The following ACTN1 variants were observed in gnomAD, a reference collection of about 807,000 sequenced individuals.
ACTN1 encodes alpha-actinin-1.
A neutral mutation model predicts 119.6 loss-of-function variants in ACTN1; 30 were observed. The ratio of observed to expected loss-of-function variants is 0.25; its 90% confidence interval spans 0.19 to 0.34. The LOEUF (loss-of-function observed/expected upper bound fraction) is 0.34, where lower values mean the gene tolerates loss of function less well. Ranked by LOEUF, ACTN1 falls within the 10% of genes least tolerant of loss-of-function variation. The pLI, the probability that ACTN1 is intolerant of heterozygous loss-of-function variation, is 1.00. For synonymous variants in ACTN1, 429 were observed against 472.6 expected (o/e 0.91, Z 1.20); for missense variants, 764 against 1,223.4 (o/e 0.62, Z 5.60).
At chr14:68,922,664 C>T (rs538741942) in intron 2 of ACTN1, among the ~76,000 whole-genome samples, 2 of 152,144 alleles carry the variant, frequency 1.3e-5, no homozygotes, top group East Asian at 3.8e-4. Flanking sequence ...GGGTTAAACA[C>T]GGGAGAATGG....
chr14:68,884,655 T>G (rs1357440401), intron 13 of ACTN1, 120 bp downstream of exon 13: 20 of 872,686 alleles, frequency 2.3e-5, no homozygotes, highest in Non-Finnish European at 3.7e-5. Context: ...AGGCCAGGGT[T>G]GGGGGAGGTC....
intron 8 of ACTN1, among the ~76,000 whole-genome samples, chr14:68,899,940 CA>C (rs2033200727): frequency 6.6e-6 from 1 of 152,062 alleles, no homozygotes; most frequent in African/African-American, 2.4e-5. Context: ...TGCGAGGGGC[CA>C]GGGGAGGGGC....
chr14:68,878,752 G>A lies in ACTN1; in HGVS notation c.2362-229C>T. 1 of 1,542,434 alleles carries A rather than the reference G, an allele frequency of 6.5e-7. No individual in the cohort carries two copies. The highest frequency in any genetic ancestry group is 8.7e-7 in the Non-Finnish European group (1 of 1,150,618). ...CAGGGAGATGCAAAAATCCACCCATGGGATGAAGAGCAGCGAGGACGGAAG... is the reference window on the plus strand; with the variant it reads ...CAGGGAGATGCAAAAATCCACCCATAGGATGAAGAGCAGCGAGGACGGAAG... On this transcript the variant is annotated intron_variant, in intron 19 of 21. Transcript: ENST00000394419. This position sits in a 1 kb window ranked among gnomAD's most constrained non-coding sequence, Gnocchi z 4.4.
rs569663400 is a variant in ACTN1, at chr14:68,880,697, G to A, written c.2133+113C>T. On this transcript the variant is annotated intron_variant, in intron 17 of 21. Transcript: ENST00000394419. The surrounding 1 kb of genome is among the most constrained non-coding windows in gnomAD (Gnocchi z 4.6). ...ATTGAAGATGTGAGGCTTCAGGGGT[G>A]AAGTTAATTTATCCTCCAACTATGA... is the stretch of plus-strand genomic sequence containing the variant. The A allele has an allele frequency of 1.8e-6, 2 of 1,118,396 alleles. No homozygotes were observed. The highest frequency in any genetic ancestry group is 2.4e-5 in the East Asian group (1 of 41,966). 69.3% of individuals were successfully genotyped at this position (1,118,396 alleles called of 1,614,324 possible).
At chr14:68,962,702 C>T (rs749803451) in intron 1 of ACTN1, among the ~76,000 whole-genome samples, 4 of 152,250 alleles carry the variant, frequency 2.6e-5, no homozygotes, top group African/African-American at 9.6e-5. Context: ...CTACTTCTCC[C>T]CATTGGGTCA....
intron 6 of ACTN1, among the ~76,000 whole-genome samples, chr14:68,906,446 G>A (rs1266927338): frequency 6.6e-6 from 1 of 152,152 alleles, no homozygotes; most frequent in African/African-American, 2.4e-5. Context: ...ACATCATCCA[G>A]GATGTTTTCA....
chr14:68,906,941 T>C (rs1384627934), intron 6 of ACTN1, among the ~76,000 whole-genome samples: 4 of 151,698 alleles, frequency 2.6e-5, no homozygotes, highest in African/African-American at 9.7e-5. Flanking sequence ...CTCGGCAATA[T>C]AGTGAGACTT....
chr14:68,885,391 T>C lies in ACTN1; in HGVS notation c.1385+34A>G. The C allele has an allele frequency of 2.9e-6, 4 of 1,378,992 alleles. No homozygotes were observed. The highest frequency in any genetic ancestry group is 2.9e-6 in the Non-Finnish European group (3 of 1,034,008). 85.4% of individuals were successfully genotyped at this position (1,378,992 alleles called of 1,614,324 possible). On this transcript the variant is annotated intron_variant, in intron 12 of 21. Transcript: ENST00000394419. The surrounding 1 kb of genome is among the most constrained non-coding windows in gnomAD (Gnocchi z 5.6). ...GCTGAGAAAGCCCAGCCTCAGCCCCTCACCACAGGGTAGGGGTGTCTGGGG... is the reference window on the plus strand; with the variant it reads ...GCTGAGAAAGCCCAGCCTCAGCCCCCCACCACAGGGTAGGGGTGTCTGGGG...
chr14:68,889,931 C>A (rs2032340503), intron 11 of ACTN1, among the ~76,000 whole-genome samples: 2 of 152,256 alleles, frequency 1.3e-5, no homozygotes, highest in Admixed American at 1.3e-4. Context: ...TCTTACAAGC[C>A]TGTGAGGTTG....
chr14:68,904,221 G>A (rs2033524665), intron 7 of ACTN1, among the ~76,000 whole-genome samples: 1 of 152,106 alleles, frequency 6.6e-6, no homozygotes, highest in African/African-American at 2.4e-5. Context: ...GCCAGCCCCA[G>A]TCAGAGCTGG....
chr14:68,952,842 C>G (rs2036213743), intron 1 of ACTN1, among the ~76,000 whole-genome samples: 1 of 152,140 alleles, frequency 6.6e-6, no homozygotes, highest in African/African-American at 2.4e-5. Context: ...CAAAGTCCCC[C>G]AAATGGAAAG....
intron 1 of ACTN1, among the ~76,000 whole-genome samples, chr14:68,960,746 A>C (rs1403067976): frequency 1.4e-4 from 15 of 109,326 alleles, no homozygotes; most frequent in Non-Finnish European, 2.4e-4. Context: ...ACCTATCTCT[A>C]TTAAAAAAAA....
At chr14:68,943,157 A>G (rs1406053625) in intron 1 of ACTN1, among the ~76,000 whole-genome samples, 1 of 152,206 alleles carries the variant, frequency 6.6e-6, no homozygotes, top group Non-Finnish European at 1.5e-5. Flanking sequence ...TCAACAGCTC[A>G]GCAGGCTGAG....
intron 3 of ACTN1, 46 bp downstream of exon 3, chr14:68,920,960 G>A (rs2034611756): frequency 1.9e-6 from 3 of 1,607,468 alleles, no homozygotes; most frequent in Admixed American, 3.4e-5. Context: ...GAACCAGGGG[G>A]ACAAAGAAAA....
intron 10 of ACTN1, among the ~76,000 whole-genome samples, chr14:68,891,357 A>G (rs1303748924): frequency 6.6e-6 from 1 of 152,246 alleles, no homozygotes; most frequent in Non-Finnish European, 1.5e-5. Flanking sequence ...TGACATGGAA[A>G]GCTGGTCAGA....
intron 7 of ACTN1, among the ~76,000 whole-genome samples, chr14:68,903,478 A>T (rs1446081831): frequency 6.7e-6 from 1 of 148,280 alleles, no homozygotes; most frequent in African/African-American, 2.5e-5. Context: ...CGGAGGTTGC[A>T]GTGAGCGGAG....
intron 1 of ACTN1, among the ~76,000 whole-genome samples, chr14:68,952,697 C>G (rs369250521): frequency 1.3e-5 from 2 of 152,086 alleles, no homozygotes; most frequent in Admixed American, 6.5e-5. Context: ...TCCCCCACCC[C>G]CTACCTTGGC....
intron 8 of ACTN1, among the ~76,000 whole-genome samples, chr14:68,899,015 C>CT (rs1186943669): frequency 2.0e-4 from 28 of 141,520 alleles, no homozygotes; most frequent in African/African-American, 7.3e-4. Flanking sequence ...CACCTCACAC[C>CT]CACAGCACAC....
At chr14:68,886,605 C>T (rs1051920336) in intron 11 of ACTN1, 2 of 152,236 alleles carry the variant, frequency 1.3e-5, no homozygotes, top group African/African-American at 2.4e-5. Context: ...ACCATCCTGG[C>T]CAACATGGTG....
Sources: allele counts gnomAD v4.1 joint callset (sites outside exome capture counted in the v4.1 genomes callset), GRCh38; gene constraint gnomAD v4.1.1; non-coding constraint Gnocchi (gnomAD v3.1); transcripts MANE v1.5; gene names NCBI Gene and HGNC (gene_info 2026-07-23, HGNC 2026-07-21).